Variants in POLR1C observed in about 807,000 individuals in gnomAD.
POLR1C encodes the protein RNA polymerase I and III subunit C, also known as DNA-directed RNA polymerases I and III subunit RPAC1.
A neutral mutation model predicts 38.3 loss-of-function variants in POLR1C; 42 were observed. The observed-to-expected ratio is 1.10, with a 90% CI of 0.86 to 1.42. The LOEUF is 1.42. POLR1C is among the 40% of genes most tolerant of loss of function. POLR1C has a pLI of 0.00. For synonymous variants in POLR1C, 163 were observed against 163.9 expected, an observed-to-expected ratio of 0.99 and a Z score of 0.04; for missense variants, 507 against 450.5, an observed-to-expected ratio of 1.13 and a Z score of -1.14.
downstream of POLR1C, chr6:43,524,415 C>G (rs1295119400): frequency 6.3e-7 from 1 of 1,580,536 alleles, no homozygotes. Context: ...TATGGTTTGC[C>G]CATACACATG....
intron 9 of POLR1C, among the ~76,000 whole-genome samples, chr6:43,534,716 G>T (rs1288745090): frequency 6.6e-6 from 1 of 152,192 alleles, no homozygotes; most frequent in Non-Finnish European, 1.5e-5. Flanking sequence ...AGTCATTCTA[G>T]GCTGGGCTCG....
intron 2 of POLR1C, 32 bp downstream of exon 2, chr6:43,517,409 T>C: frequency 6.3e-7 from 1 of 1,585,706 alleles, no homozygotes; most frequent in Non-Finnish European, 8.7e-7. Context: ...TGGGGAGGGT[T>C]ATGAAGGCCA....
intron 10 of POLR1C, chr6:43,560,820 A>G: frequency 1.0e-6 from 1 of 977,298 alleles, no homozygotes; most frequent in Non-Finnish European, 1.6e-6. Flanking sequence ...CCAAGGCCTG[A>G]AGAGTCACAT....
chr6:43,531,597 G>A (rs771674256), downstream of POLR1C: 1 of 1,591,796 alleles, frequency 6.3e-7, no homozygotes, highest in South Asian at 1.1e-5. Flanking sequence ...TACGGGTCAA[G>A]AACATGATGC....
chr6:43,549,094 T>TC (rs1795104873), intron 9 of POLR1C, among the ~76,000 whole-genome samples: 1 of 152,196 alleles, frequency 6.6e-6, no homozygotes, highest in Non-Finnish European at 1.5e-5. Flanking sequence ...AGATGGAGTT[T>TC]CGCTCGTTGC....
intron 8 of POLR1C, chr6:43,528,769 A>G: frequency 6.6e-7 from 1 of 1,518,066 alleles, no homozygotes; most frequent in Non-Finnish European, 9.0e-7. Context: ...TGCAAAGCTC[A>G]GAAATGGCCA....
downstream of POLR1C, chr6:43,521,590 T>A (rs1793193592): frequency 3.1e-6 from 2 of 638,738 alleles, no homozygotes; most frequent in Admixed American, 7.6e-5. Context: ...AGTGGTGCAA[T>A]CTCAGCTCAC....
downstream of POLR1C, chr6:43,523,053 A>G (rs1793294894): frequency 6.1e-6 from 1 of 163,800 alleles, no homozygotes; most frequent in Admixed American, 5.9e-5. Flanking sequence ...GTTGGTCTGT[A>G]TTATCCTTGG....
rs371886190 is a variant in POLR1C, at chr6:43,527,720, T to G, written c.923-1529T>G. The G allele has an allele frequency of 8.1e-6, 13 of 1,613,912 alleles. No individual in the cohort carries two copies. The African/African-American group carries it at 1.5e-4, about 18-fold the overall frequency. On this transcript the variant is annotated intron_variant, in intron 8 of 8. Coordinates refer to the POLR1C transcript ENST00000304004. ...AGACTCTGGGTTTTCATCTGCAGCC[T>G]CATCTTCTCCACTGCAGAAAACCAG...
chr6:43,538,567 G>C (rs1186102630), intron 9 of POLR1C, among the ~76,000 whole-genome samples: 1 of 152,104 alleles, frequency 6.6e-6, no homozygotes, highest in Non-Finnish European at 1.5e-5. Flanking sequence ...TGAATTACTG[G>C]TAGTATTTTG....
At chr6:43,545,019 T>A (rs1028132180) in intron 9 of POLR1C, among the ~76,000 whole-genome samples, 1 of 152,076 alleles carries the variant, frequency 6.6e-6, no homozygotes, top group Non-Finnish European at 1.5e-5. Flanking sequence ...ATTACAGGCA[T>A]GTGCCACCAT....
intron 8 of POLR1C, chr6:43,527,670 C>A: frequency 1.2e-6 from 2 of 1,614,008 alleles, no homozygotes; most frequent in South Asian, 1.1e-5. Context: ...AACATCCTCA[C>A]CAGTTGCTCC....
At chr6:43,537,891 A>C (rs989882692) in intron 9 of POLR1C, among the ~76,000 whole-genome samples, 4 of 151,742 alleles carry the variant, frequency 2.6e-5, no homozygotes, top group African/African-American at 9.7e-5. Context: ...ACATGGCAAA[A>C]CCCTGTATCT....
downstream of POLR1C, chr6:43,525,095 G>A (rs748397150): frequency 1.3e-6 from 2 of 1,569,830 alleles, no homozygotes; most frequent in South Asian, 2.3e-5. Context: ...GAAAAGGGGT[G>A]AATAACCATA....
Position 43,547,833 on chromosome 6 carries a change from A to G in POLR1C, c.*5-3135A>G, listed in dbSNP as rs546997941. 22 of 679,172 alleles carry G rather than the reference A, an allele frequency of 3.2e-5. No individual in the cohort carries two copies. In the Middle Eastern group the frequency reaches 1.2e-3, roughly 36 times the overall value. The allele number at this position is 679,172 out of a possible 1,614,324, so 42.1% of individuals were successfully genotyped here. On this transcript the variant is annotated intron_variant, in intron 9 of 10. Coordinates refer to the POLR1C transcript ENST00000607635. Reference sequence around the variant, plus strand: ...CAGTTTTTATAGTGAGAGGAGTATAATCATACTAATTGTCAGTTGTCATTT... The same window carrying G: ...CAGTTTTTATAGTGAGAGGAGTATAGTCATACTAATTGTCAGTTGTCATTT...
chr6:43,519,825 G>A lies in POLR1C; in HGVS notation c.369G>A (p.Glu123=), dbSNP rs763542757. 2.5e-6 allele frequency: 4 copies of A among 1,614,148 alleles called. No homozygotes were observed. The highest frequency in any genetic ancestry group is 3.4e-6 in the Non-Finnish European group (4 of 1,180,008). The change falls in exon 4 of 9, where the codon GAG becomes GAA. Residue 123 remains glutamate (E), a synonymous_variant. Transcript: ENST00000642195. ...TTCATGCTGATCCCCGTCTTTTTGA[G>A]TATCGGAACCAAGGTGAGAAAATGA... The part of the protein sequence containing the change: ...IPIHADPRLF[E]YRNQGDEEGT...
chr6:43,549,744 G>C (rs1355579096), intron 9 of POLR1C: 1 of 1,120,484 alleles, frequency 8.9e-7, no homozygotes, highest in Non-Finnish European at 1.3e-6. Flanking sequence ...CATGTTTCTT[G>C]TATGCCCTAT....
At chr6:43,561,101 CA>C in intron 10 of POLR1C, 2 of 1,060,450 alleles carry the variant, frequency 1.9e-6, no homozygotes, top group Admixed American at 2.0e-5. Context: ...ATTAAACCCT[CA>C]AAAAATGTTG....
At chr6:43,529,170 C>G in intron 8 of POLR1C, 1 of 1,479,068 alleles carries the variant, frequency 6.8e-7, no homozygotes, top group Non-Finnish European at 9.1e-7. Context: ...GTCACTGGCC[C>G]AAAAAGTAGG....
Sources: allele counts gnomAD v4.1 joint callset (sites outside exome capture counted in the v4.1 genomes callset), GRCh38; gene constraint gnomAD v4.1.1; transcripts MANE v1.5; gene names NCBI Gene and HGNC (gene_info 2026-07-23, HGNC 2026-07-21).